Variants in LRP5 observed in about 807,000 individuals in gnomAD.
LRP5 encodes LDL receptor related protein 5.
LRP5 carries 62 observed loss-of-function variants against 154.1 expected under a neutral mutation model. The ratio of observed to expected loss-of-function variants is 0.40; its 90% CI spans 0.33 to 0.50. The LOEUF is 0.50. LRP5 is among the 20% of genes least tolerant of loss of function. LRP5 has a pLI of 0.55. For missense variants in LRP5, 1,915 were observed against 2,336.7 expected (o/e 0.82, Z 3.72); for synonymous variants, 966 against 1,011.5 (o/e 0.96, Z 0.85).
At chr11:68,384,181 T>A (rs2153151522) in intron 5 of LRP5, among the ~76,000 whole-genome samples, 1 of 152,324 alleles carries the variant, frequency 6.6e-6, no homozygotes, top group South Asian at 2.1e-4. Flanking sequence ...GAGGGGCTCC[T>A]GTCTTTCCTT....
intron 9 of LRP5, among the ~76,000 whole-genome samples, chr11:68,409,051 G>GAA (rs57069059): frequency 9.1e-4 from 47 of 51,412 alleles, no homozygotes; most frequent in African/African-American, 2.4e-3. Context: ...CTTATCTGGG[G>GAA]AAAAAAAAAA....
chr11:68,421,001 C>T (rs1054073556), intron 13 of LRP5, among the ~76,000 whole-genome samples: 2 of 152,060 alleles, frequency 1.3e-5, no homozygotes, highest in African/African-American at 2.4e-5. Context: ...CCAGGGCGGG[C>T]GGATCATGAG....
chr11:68,347,863 A>G lies in LRP5; in HGVS notation c.108A>G (p.Leu36=), dbSNP rs1053398255. 5.6e-6 allele frequency: 9 copies of G among 1,613,400 alleles called. No individual in the cohort carries two copies. Among genetic ancestry groups the G allele is most frequent in the African/African-American group, 2.7e-5 (2 of 74,920 alleles). The change falls in exon 2 of 23, where the codon CTA becomes CTG. Residue 36 remains leucine (L), a synonymous_variant. Transcript: ENST00000294304. The part of the protein sequence containing the change: ...PAPAAASPLL[L]FANRRDVRLV... ...GCCCCACAGCCTCGCCGCTCCTGCT[A>G]TTTGCCAACCGCCGGGACGTACGGC...
At chr11:68,396,120 G>T (rs1371044297) in intron 7 of LRP5, among the ~76,000 whole-genome samples, 1 of 152,124 alleles carries the variant, frequency 6.6e-6, no homozygotes, top group Non-Finnish European at 1.5e-5. Flanking sequence ...GGCTTCTGGG[G>T]ACTCTGGGGA....
chr11:68,362,953 A>G (rs939871238), intron 3 of LRP5, among the ~76,000 whole-genome samples: 2 of 152,094 alleles, frequency 1.3e-5, no homozygotes, highest in African/African-American at 4.8e-5. Flanking sequence ...ATAAAACTGC[A>G]CATTACCGAC....
At position 68,413,909 on chromosome 11, in the gene LRP5, C is replaced by G. The variant is rs143539498; in HGVS notation, c.2724C>G (p.His908Gln). 116 of 1,612,466 alleles carry G rather than the reference C, an allele frequency of 7.2e-5. No homozygotes were observed. The highest frequency in any genetic ancestry group is 6.6e-4 in the Middle Eastern group (4 of 6,084). ...AGGATGGCCTCAATGACTGTATGCACAACAACGGGCAGTGTGGGCAGCTGT... is the reference window on the plus strand; with the variant it reads ...AGGATGGCCTCAATGACTGTATGCAGAACAACGGGCAGTGTGGGCAGCTGT... The part of the protein sequence containing the change: ...SRQDGLNDCM[H>Q]NNGQCGQLCL... The change falls in exon 12 of 23, where the codon CAC becomes CAG. Residue 908 changes from histidine (H) to glutamine (Q), a missense_variant. Physicochemically the swap from His to Gln is conservative, Grantham distance 24. Coordinates refer to ENST00000294304, the MANE Select transcript of LRP5 (RefSeq NM_002335.4). The surrounding 1 kb of genome is among the most constrained non-coding windows in gnomAD (Gnocchi z 5.1).
In LRP5 at chr11:68,346,017, AGTT is replaced by A. The variant is rs200930483; in HGVS notation, c.92-1826_92-1824del. ...TGTTTGCCCATTTTTGAGTTGGCTTAGTTGTTTTCTCATTGTTGAGTTTTAGGA... is the reference window on the plus strand; with the variant it reads ...TGTTTGCCCATTTTTGAGTTGGCTTAGTTTTCTCATTGTTGAGTTTTAGGA... On this transcript the variant is annotated intron_variant, in intron 1 of 22. Transcript: ENST00000294304. Among the ~76,000 whole-genome samples the A allele has an allele frequency of 7.9e-3, 1,198 of 152,178 alleles. 11 individuals are homozygous for A. The highest frequency in any genetic ancestry group is 0.026 in the African/African-American group (1,091 of 41,510).
At position 68,351,611 on chromosome 11, in the gene LRP5, C is replaced by T. The variant is rs887431484; in HGVS notation, c.488+3368C>T. On this transcript the variant is annotated intron_variant, in intron 2 of 22. Transcript: ENST00000294304. ...CATTGCGTTCCCTCCCAGCGTGGGT[C>T]GCTGCAGCTCCCTCACCTCCCAACC... Among the ~76,000 whole-genome samples, 7 of 152,184 alleles carry T rather than the reference C, an allele frequency of 4.6e-5. No homozygotes were observed. In the East Asian group the frequency reaches 1.2e-3, roughly 25 times the overall value.
chr11:68,310,812 G>C (rs2153109559), upstream of LRP5, among the ~76,000 whole-genome samples: 1 of 151,928 alleles, frequency 6.6e-6, no homozygotes. Context: ...AAGGCCCTGA[G>C]GCAGGAGTGC....
chr11:68,369,053 G>T (rs946377184), intron 5 of LRP5, among the ~76,000 whole-genome samples: 1 of 152,094 alleles, frequency 6.6e-6, no homozygotes, highest in Non-Finnish European at 1.5e-5. Context: ...GGCTAGGCTG[G>T]TCTTGAACTC....
At chr11:68,305,239 T>G in the LRP5 span, among the ~76,000 whole-genome samples, 2 of 152,022 alleles carry the variant, frequency 1.3e-5, no homozygotes, top group East Asian at 3.9e-4. Flanking sequence ...TTTAAAAGTG[T>G]GCACACCTCC....
At chr11:68,329,990 C>T (rs2098601814) in intron 1 of LRP5, among the ~76,000 whole-genome samples, 1 of 152,212 alleles carries the variant, frequency 6.6e-6, no homozygotes, top group Non-Finnish European at 1.5e-5. Flanking sequence ...CTCTGCTCTG[C>T]CCTAAACCTT....
chr11:68,312,255 C>T (rs1037781156), upstream of LRP5, among the ~76,000 whole-genome samples: 2 of 152,118 alleles, frequency 1.3e-5, no homozygotes, highest in African/African-American at 4.8e-5. Flanking sequence ...AACTGCCTCG[C>T]TGTGTGCCCT....
rs963016831 is a variant in LRP5, at chr11:68,447,744, C to T, written c.4587-1065C>T. 6.6e-6 allele frequency among the ~76,000 whole-genome samples: 1 copy of T among 152,204 alleles called. No individual in the cohort carries two copies. The highest frequency in any genetic ancestry group is 2.4e-5 in the African/African-American group (1 of 41,442). On this transcript the variant is annotated intron_variant, in intron 22 of 22. Transcript: ENST00000294304. This position sits in a 1 kb window ranked among gnomAD's most constrained non-coding sequence, Gnocchi z 4.3. Reference sequence around the variant, plus strand: ...CACTTTTCTCAACACCCGGTGTTGGCTGCACCTTCCCACCCATTGCAGGCC... The same window carrying T: ...CACTTTTCTCAACACCCGGTGTTGGTTGCACCTTCCCACCCATTGCAGGCC...
intron 5 of LRP5, among the ~76,000 whole-genome samples, chr11:68,382,676 TG>T (rs1236035416): frequency 1.3e-5 from 2 of 151,964 alleles, no homozygotes; most frequent in African/African-American, 4.8e-5. Context: ...AGGCGGCAAG[TG>T]AAAAACGCAC....
intron 1 of LRP5, among the ~76,000 whole-genome samples, chr11:68,344,061 C>T (rs899583236): frequency 5.9e-5 from 9 of 152,152 alleles, no homozygotes; most frequent in African/African-American, 7.2e-5. Context: ...GGACTTCACC[C>T]GCAGCCCAGT....
intron 1 of LRP5, among the ~76,000 whole-genome samples, chr11:68,338,269 T>C (rs1413077264): frequency 1.3e-5 from 2 of 152,224 alleles, no homozygotes. Flanking sequence ...TATTTTGGTA[T>C]AGTAGCAAAG....
Position 68,357,848 on chromosome 11 carries a change from G to T in LRP5, c.686+1G>T. The T allele has an allele frequency of 6.2e-7, 1 of 1,610,462 alleles. No homozygotes were observed. The highest frequency in any genetic ancestry group is 8.5e-7 in the Non-Finnish European group (1 of 1,178,602). On this transcript the variant is annotated splice_donor_variant, in intron 3 of 22. Transcript: ENST00000294304. LOFTEE classifies it high-confidence loss of function. ...GTGCCAACCTGGACGGCTCGTTCCG[G>T]TAGGTACCCACGCAGTCCTGGGGCA...
At chr11:68,377,261 A>G (rs2098637890) in intron 5 of LRP5, among the ~76,000 whole-genome samples, 1 of 152,160 alleles carries the variant, frequency 6.6e-6, no homozygotes, top group African/African-American at 2.4e-5. Context: ...TGAGGCCGGC[A>G]CTGACTTGGT....
Sources: gnomAD v4.1 joint callset for allele counts (sites outside exome capture counted in the v4.1 genomes callset) on GRCh38, gnomAD v4.1.1 for gene constraint, Gnocchi (gnomAD v3.1) non-coding constraint, MANE v1.5 for transcripts, NCBI Gene and HGNC (gene_info 2026-07-23, HGNC 2026-07-21) for gene names.